Variants in AIFM3 observed in about 807,000 individuals in gnomAD.
AIFM3 encodes the protein AIF family member 3.
Under a neutral mutation model 82.7 loss-of-function variants are expected in AIFM3, and 71 were observed. The ratio of observed to expected loss-of-function variants is 0.86; its 90% CI spans 0.71 to 1.05. The LOEUF is 1.05. Ranked by LOEUF, AIFM3 falls within the 50% of genes least tolerant of loss-of-function variation. AIFM3 has a pLI of 0.00. For missense variants in AIFM3, 748 were observed against 816.7 expected (o/e 0.92, Z 1.03); for synonymous variants, 337 against 329.1 (o/e 1.02, Z -0.26).
In AIFM3 at chr22:20,976,782, C is replaced by G. The variant is rs756678786; in HGVS notation, c.1146+16C>G. 4 of 1,608,570 alleles carry G rather than the reference C, an allele frequency of 2.5e-6. No homozygotes were observed. In the South Asian group the frequency reaches 4.4e-5, roughly 18 times the overall value. On this transcript the variant is annotated intron_variant, in intron 12 of 20. Coordinates refer to ENST00000440238, the MANE Select transcript of AIFM3 (RefSeq NM_001386814.1). ...CCTCATGAAGGTGAGCCCACCCCAG[C>G]ACCCAGTGCCTTGGAGCCCTGGGGC...
At position 20,975,050 on chromosome 22, in the gene AIFM3, C is replaced by T. The variant is rs113036267; in HGVS notation, c.720+234C>T. 9.6e-3 allele frequency among the ~76,000 whole-genome samples: 1,455 copies of T among 152,312 alleles called. 24 individuals carry two copies. The highest frequency in any genetic ancestry group is 0.034 in the African/African-American group (1,394 of 41,544). On this transcript the variant is annotated intron_variant, in intron 8 of 20. Coordinates refer to ENST00000440238, the MANE Select transcript of AIFM3 (RefSeq NM_001386814.1). ...CCTTCTCGGCTCACTGCAACTTCCA[C>T]CTCCTGGGTTCAAGCGATTCTCATG...
At chr22:20,979,971 A>G (rs1412932361) in intron 18 of AIFM3, 49 bp from the exon 19 acceptor site, 1 of 1,554,728 alleles carries the variant, frequency 6.4e-7, no homozygotes, top group Non-Finnish European at 8.7e-7. Flanking sequence ...GTTTTCAAAA[A>G]GGGGCTGCTG....
intron 6 of AIFM3, 85 bp downstream of exon 6, chr22:20,974,381 G>A: frequency 6.3e-7 from 1 of 1,577,748 alleles, no homozygotes; most frequent in Non-Finnish European, 8.6e-7. Flanking sequence ...AAAGCCCTGT[G>A]GTGGGAGGAG....
At chr22:20,980,472 T>C (rs1924024810) in intron 19 of AIFM3, 1 of 599,592 alleles carries the variant, frequency 1.7e-6, no homozygotes, top group Non-Finnish European at 3.0e-6. Context: ...GAAATGCAGC[T>C]ACTGATGCCC....
rs769542944 is a variant in AIFM3, at chr22:20,976,293, G to T, written c.886G>T (p.Ala296Ser). ...GCTGGAGTACAGCAAGCTGCTGCTG[G>T]CACCAGGGAGCAGGTGGGAGGGTCT... ...FKLEYSKLLL[A>S]PGSSPKTLSC... is the part of the protein sequence containing the mutation. The change falls in exon 10 of 21, where the codon GCA becomes TCA. Residue 296 changes from alanine (A) to serine (S), a missense_variant. Coordinates refer to ENST00000440238, the MANE Select transcript of AIFM3 (RefSeq NM_001386814.1). The T allele has an allele frequency of 6.2e-7, 1 of 1,614,038 alleles. No individual in the cohort carries two copies. Among genetic ancestry groups the T allele is most frequent in the East Asian group, 2.2e-5 (1 of 44,890 alleles).
rs765510917 is a variant in AIFM3, at chr22:20,974,297, G to T, written c.510+1G>T. ...GGTGTACGTCCGGGCCAGCAAGCAG[G>T]TGAGGGGATAGCTCGGGGCTCAGGC... is the stretch of plus-strand genomic sequence containing the variant. On this transcript the variant is annotated splice_donor_variant, in intron 6 of 20. Transcript: ENST00000440238. LOFTEE classifies it high-confidence loss of function. 7 of 1,613,480 alleles carry T rather than the reference G, an allele frequency of 4.3e-6. No homozygotes were observed. Among genetic ancestry groups the T allele is most frequent in the African/African-American group, 2.7e-5 (2 of 74,910 alleles).
At chr22:20,972,402 CAA>C (rs58947717) in intron 2 of AIFM3, among the ~76,000 whole-genome samples, 285 of 125,666 alleles carry the variant, frequency 2.3e-3, no homozygotes, top group Admixed American at 3.2e-3. Flanking sequence ...AACTCCATCT[CAA>C]AAAAAAAAAA....
intron 2 of AIFM3, among the ~76,000 whole-genome samples, chr22:20,972,765 C>T (rs578040203): frequency 9.3e-4 from 142 of 152,226 alleles, no homozygotes; most frequent in African/African-American, 3.1e-3. Context: ...AAAAAGGAGG[C>T]GGGGTGTGGT....
Position 20,981,025 on chromosome 22 carries a change from A to C in AIFM3, c.1812A>C (p.Gly604=). ...ACATGTCCTGGCTTACGGGGAAAGG[A>C]TCCTGAGCTCACATGCAGTAGACTT... ...TGDMSWLTGK[G]S The change falls in exon 21 of 21, where the codon GGA becomes GGC. Residue 604 remains glycine (G), a synonymous_variant. Coordinates refer to ENST00000440238, the MANE Select transcript of AIFM3 (RefSeq NM_001386814.1). 6.2e-7 allele frequency: 1 copy of C among 1,614,130 alleles called. No individual in the cohort carries two copies.
chr22:20,976,151 G>A (rs1331051691), intron 9 of AIFM3, 64 bp from the exon 10 acceptor site: 28 of 1,549,348 alleles, frequency 1.8e-5, no homozygotes, highest in South Asian at 5.8e-5. Flanking sequence ...CTGCAGGACC[G>A]GGGAGTGGGC....
At position 20,971,811 on chromosome 22, in the gene AIFM3, A is replaced by G. The variant is rs533456485; in HGVS notation, c.32-1496A>G. The stretch of plus-strand genomic sequence containing the variant: ...ATTATTGCTGCTAAAAATTCTGTTT[A>G]TTGTTCCCTTCTAATTAGAAAAATA... On this transcript the variant is annotated intron_variant, in intron 2 of 20. Transcript: ENST00000440238. 9.8e-4 allele frequency among the ~76,000 whole-genome samples: 150 copies of G among 152,336 alleles called. 1 individual carries two copies. Among genetic ancestry groups the G allele is most frequent in the African/African-American group, 3.5e-3 (147 of 41,568 alleles).
At chr22:20,978,623 C>T (rs780903303) in intron 16 of AIFM3, among the ~76,000 whole-genome samples, 1 of 152,024 alleles carries the variant, frequency 6.6e-6, no homozygotes, top group Non-Finnish European at 1.5e-5. Flanking sequence ...CAAAGGACTT[C>T]TCTGCACCCA....
In AIFM3 at chr22:20,978,019, C is replaced by G; in HGVS notation, c.1477+14C>G. The G allele has an allele frequency of 1.2e-6, 2 of 1,612,888 alleles. No individual in the cohort carries two copies. The highest frequency in any genetic ancestry group is 8.5e-7 in the Non-Finnish European group (1 of 1,178,932). ...CTCATGCTCAGGGTATGGCCAGTCC[C>G]GAGGCACATGGAGGGGTGGGAGGGA... On this transcript the variant is annotated intron_variant, in intron 16 of 20. Transcript: ENST00000440238.
chr22:20,967,588 G>A lies in AIFM3; in HGVS notation c.-140-217G>A, dbSNP rs551750802. 4.3e-5 allele frequency: 14 copies of A among 328,036 alleles called. 1 individual carries two copies. Among genetic ancestry groups the A allele is most frequent in the South Asian group, 1.8e-4 (3 of 17,060 alleles). The allele number at this position is 328,036 out of a possible 1,614,324, so 20.3% of individuals were successfully genotyped here. A position where few individuals can be genotyped will look rare whatever the true frequency, so the allele number is the denominator to read the frequency against. ...GCTGGACGATGGGCGGCCGAGGTTC[G>A]GGCAGAGGAACTCCACTGGAGGAGT... is the stretch of plus-strand genomic sequence containing the variant. On this transcript the variant is annotated intron_variant, in intron 1 of 20. Coordinates refer to ENST00000440238, the MANE Select transcript of AIFM3 (RefSeq NM_001386814.1).
At chr22:20,979,768 C>T in intron 18 of AIFM3, 66 bp downstream of exon 18, 1 of 1,584,564 alleles carries the variant, frequency 6.3e-7, no homozygotes, top group Non-Finnish European at 8.7e-7. Flanking sequence ...GGGATTCATC[C>T]CAGGCAAAAT....
Position 20,974,600 on chromosome 22 carries a change from A to G in AIFM3, c.586A>G (p.Asn196Asp). ...AAGTGCTGGGTACAGCAGTAGCACC[A>G]ATGTGCTCATTGTGGGTGCAGGTTG... ...SPSAGYSSST[N>D]VLIVGAGAAG... Residue 196 changes from asparagine to aspartate, a missense_variant, in exon 7 of 21, where the codon AAT becomes GAT. Around this residue, in one of 5 missense-constraint regions of AIFM3, gnomAD observed 393 missense variants for 481.1 expected, o/e 0.82. Transcript: ENST00000440238. 6.2e-7 allele frequency: 1 copy of G among 1,613,814 alleles called. No individual in the cohort carries two copies. Among genetic ancestry groups the G allele is most frequent in the Non-Finnish European group, 8.5e-7 (1 of 1,179,910 alleles).
intron 2 of AIFM3, among the ~76,000 whole-genome samples, chr22:20,971,395 A>G (rs991775465): frequency 6.6e-6 from 1 of 152,072 alleles, no homozygotes; most frequent in Non-Finnish European, 1.5e-5. Flanking sequence ...GTGCCCTGCT[A>G]TGCCTGGGCC....
intron 14 of AIFM3, 36 bp from the exon 15 acceptor site, chr22:20,977,664 G>A: frequency 1.2e-6 from 2 of 1,612,568 alleles, no homozygotes; most frequent in Non-Finnish European, 8.5e-7. Flanking sequence ...CAGAAGGCAG[G>A]GACAGGGGAG....
Position 20,980,114 on chromosome 22 carries a change from C to A in AIFM3, c.1747C>A (p.Arg583=). Residue 583 remains arginine (R), a synonymous_variant, in exon 19 of 21, where the codon CGG becomes AGG. Transcript: ENST00000440238. ...VLASGRAIRK[R]EVELFVLHSK... is the part of the protein sequence containing the mutation. ...GGCCTCAGGCCGTGCCATCCGGAAG[C>A]GGGAGGTGGAGTGAGTGTGGGTGTG... 1 of 1,607,678 alleles carries A rather than the reference C, an allele frequency of 6.2e-7. No individual in the cohort carries two copies.
Sources: gnomAD v4.1 joint callset for allele counts (sites outside exome capture counted in the v4.1 genomes callset) on GRCh38, gnomAD v4.1.1 for gene constraint, gnomAD v4.1.1 regional missense constraint, MANE v1.5 for transcripts, NCBI Gene and HGNC (gene_info 2026-07-23, HGNC 2026-07-21) for gene names.